Variants in ARHGAP5 observed in about 807,000 individuals in gnomAD.
ARHGAP5 encodes rho GTPase-activating protein 5.
Under a neutral mutation model 116.6 loss-of-function variants are expected in ARHGAP5, and 23 were observed. That is an observed-to-expected ratio of 0.20 (90% confidence interval 0.14 to 0.28). The LOEUF (loss-of-function observed/expected upper bound fraction) is 0.28, where lower values mean the gene tolerates loss of function less well. ARHGAP5 is among the 10% of genes least tolerant of loss of function. The pLI, the probability that ARHGAP5 is intolerant of heterozygous loss-of-function variation, is 1.00. For missense variants in ARHGAP5, 1,405 were observed against 1,774.8 expected (o/e 0.79, Z 3.74); for synonymous variants, 574 against 602.0 (o/e 0.95, Z 0.68).
chr14:32,110,001 CTTAT>C (rs1879207109), intron 2 of ARHGAP5, among the ~76,000 whole-genome samples: 1 of 152,008 alleles, frequency 6.6e-6, no homozygotes, highest in Admixed American at 6.6e-5. Context: ...TTGATTCACT[CTTAT>C]TTGTTGTTTA....
At chr14:32,131,251 T>A (rs1409137312) in intron 3 of ARHGAP5, among the ~76,000 whole-genome samples, 2 of 148,628 alleles carry the variant, frequency 1.3e-5, no homozygotes, top group African/African-American at 5.1e-5. Flanking sequence ...TTGTCATACT[T>A]CTTTTTTTTT....
chr14:32,084,529 G>A (rs2041809930), intron 1 of ARHGAP5, among the ~76,000 whole-genome samples: 1 of 152,182 alleles, frequency 6.6e-6, no homozygotes, highest in Non-Finnish European at 1.5e-5. Context: ...TGGAGATTGA[G>A]TCATTTATTC....
At chr14:32,133,366 T>C (rs576659671) in intron 3 of ARHGAP5, among the ~76,000 whole-genome samples, 5 of 152,360 alleles carry the variant, frequency 3.3e-5, no homozygotes, top group Admixed American at 6.5e-5. Context: ...GGGAGTTCAC[T>C]CATGATTTGG....
chr14:32,081,548 C>CAAAAA (rs529516365), intron 1 of ARHGAP5, among the ~76,000 whole-genome samples: 1 of 48,880 alleles, frequency 2.0e-5, no homozygotes, highest in Non-Finnish European at 4.5e-5. Flanking sequence ...GACTCCTTCT[C>CAAAAA]AAAAAAAAAA....
intron 2 of ARHGAP5, among the ~76,000 whole-genome samples, chr14:32,105,650 A>G (rs1257217634): frequency 2.0e-5 from 3 of 152,080 alleles, no homozygotes; most frequent in Non-Finnish European, 4.4e-5. Context: ...GTACATGTGT[A>G]TATTTTGTTC....
chr14:32,117,388 T>G, intron 3 of ARHGAP5, 101 bp downstream of exon 3: 1 of 1,110,778 alleles, frequency 9.0e-7, no homozygotes, highest in Non-Finnish European at 1.3e-6. Context: ...TAGTTCTCAT[T>G]ATTAGGATTA....
intron 3 of ARHGAP5, among the ~76,000 whole-genome samples, chr14:32,144,637 C>T (rs888653123): frequency 6.6e-6 from 1 of 152,050 alleles, no homozygotes; most frequent in Non-Finnish European, 1.5e-5. Context: ...GCGCCCACCA[C>T]CATGCCTAGC....
intron 3 of ARHGAP5, among the ~76,000 whole-genome samples, chr14:32,127,826 G>C (rs911076349): frequency 6.7e-6 from 1 of 149,550 alleles, no homozygotes; most frequent in South Asian, 2.1e-4. Context: ...GTGGCCGGGC[G>C]GAGATGCTCC....
chr14:32,097,932 G>T (rs914513849), intron 2 of ARHGAP5, among the ~76,000 whole-genome samples: 2 of 152,120 alleles, frequency 1.3e-5, no homozygotes, highest in African/African-American at 4.8e-5. Flanking sequence ...TATTGGAAAA[G>T]TACAAAATGT....
intron 1 of ARHGAP5, among the ~76,000 whole-genome samples, chr14:32,080,191 T>C (rs2041757550): frequency 6.6e-6 from 1 of 151,980 alleles, no homozygotes; most frequent in Admixed American, 6.6e-5. Context: ...CTTGGATTCC[T>C]GTGGGTTTTT....
chr14:32,158,221 T>A lies in ARHGAP5; in HGVS notation c.*3273T>A, dbSNP rs531247559. 7.9e-5 allele frequency: 12 copies of A among 151,894 alleles called. No homozygotes were observed. The highest frequency in any genetic ancestry group is 1.5e-4 in the Non-Finnish European group (10 of 67,742). 9.4% of individuals were successfully genotyped at this position (151,894 alleles called of 1,614,324 possible). ...TCAAGTGAAATGAAAAATAAAAATA[T>A]AAATTTATCAATATGATGGAAATCT... On this transcript the variant is annotated 3_prime_UTR_variant, in exon 7 of 7. Transcript: ENST00000345122.
At chr14:32,138,564 G>A (rs1001870982) in intron 3 of ARHGAP5, among the ~76,000 whole-genome samples, 7 of 152,346 alleles carry the variant, frequency 4.6e-5, no homozygotes, top group East Asian at 1.9e-4. Flanking sequence ...GATTACAGGC[G>A]TGAGCCACTG....
Position 32,150,012 on chromosome 14 carries a change from C to T in ARHGAP5, c.4054C>T (p.Pro1352Ser). 6.2e-7 allele frequency: 1 copy of T among 1,601,494 alleles called. No homozygotes were observed. Among genetic ancestry groups the T allele is most frequent in the Non-Finnish European group, 8.5e-7 (1 of 1,174,866 alleles). The change falls in exon 5 of 7, where the codon CCA (proline) becomes TCA (serine). Residue 1352 changes from proline to serine, a missense_variant. Physicochemically the swap from Pro to Ser is moderately conservative, Grantham distance 74. This residue lies in a region of ARHGAP5 where 176 missense variants were observed against 221.2 expected (regional missense o/e 0.80). Transcript: ENST00000345122. ...TCCTTTAATTCCATATTCTCTTCAT[C>T]CAGAACTATTGGAAGCAGCAAGTAA... ...PDPLIPYSLH[P>S]ELLEAAKIPD...
chr14:32,092,948 A>G lies in ARHGAP5; in HGVS notation c.2279A>G (p.Asn760Ser), dbSNP rs1368502020. Residue 760 changes from asparagine (N) to serine (S), a missense_variant, in exon 2 of 7, where the codon AAT becomes AGT. Coordinates refer to ENST00000345122, the MANE Select transcript of ARHGAP5 (RefSeq NM_001030055.2). The surrounding 1 kb of genome is among the most constrained non-coding windows in gnomAD (Gnocchi z 4.1). ...LRGVLESVKH[N>S]LDVVSPIPAN... ...GGAGTATTGGAATCAGTTAAACACA[A>G]TTTGGATGTGGTGAGCCCAATTCCT... The G allele has an allele frequency of 4.3e-6, 7 of 1,613,928 alleles. No homozygotes were observed. The highest frequency in any genetic ancestry group is 2.2e-5 in the South Asian group (2 of 91,078).
intron 4 of ARHGAP5, among the ~76,000 whole-genome samples, chr14:32,147,269 G>C (rs1053375499): frequency 6.6e-5 from 10 of 152,184 alleles, no homozygotes; most frequent in African/African-American, 2.4e-5. Flanking sequence ...CAAGTTGATA[G>C]ACTGGACTAT....
At chr14:32,080,284 T>C (rs1396217576) in intron 1 of ARHGAP5, among the ~76,000 whole-genome samples, 5 of 150,972 alleles carry the variant, frequency 3.3e-5, no homozygotes, top group Admixed American at 3.3e-4. Flanking sequence ...AAGTGTATTG[T>C]ATTTAAATAT....
At chr14:32,094,478 C>A in intron 2 of ARHGAP5, 92 bp downstream of exon 2, 1 of 907,096 alleles carries the variant, frequency 1.1e-6, no homozygotes. Flanking sequence ...TAGTCTCATT[C>A]ATTCCATACA....
rs115515199 is a variant in ARHGAP5, at chr14:32,141,462, C to A, written c.3866-4801C>A. Among the ~76,000 whole-genome samples the A allele has an allele frequency of 3.7e-3, 558 of 152,240 alleles. 6 individuals carry two copies. Among genetic ancestry groups the A allele is most frequent in the African/African-American group, 0.013 (532 of 41,548 alleles). On this transcript the variant is annotated intron_variant, in intron 3 of 6. Transcript: ENST00000345122. ...ATTACATCTTTATACATTTTATGCC[C>A]ATTAACATAGACTTGTAATTATTGT...
At chr14:32,143,239 GTTA>G (rs879687026) in intron 3 of ARHGAP5, among the ~76,000 whole-genome samples, 6,838 of 143,712 alleles carry the variant, frequency 0.048, 193 homozygotes, top group African/African-American at 0.083. Flanking sequence ...TGTTGTTGTT[GTTA>G]TTATTATTAT....
Sources: gnomAD v4.1 joint callset for allele counts (sites outside exome capture counted in the v4.1 genomes callset) on GRCh38, gnomAD v4.1.1 for gene constraint, gnomAD v4.1.1 regional missense constraint, Gnocchi (gnomAD v3.1) non-coding constraint, MANE v1.5 for transcripts, NCBI Gene and HGNC (gene_info 2026-07-23, HGNC 2026-07-21) for gene names.